ELK4: variants seen among roughly 807,000 people sequenced by gnomAD.
ELK4 encodes the protein ETS domain-containing protein Elk-4.
ELK4 carries 16 observed loss-of-function variants against 29.6 expected under a neutral mutation model. That is an observed-to-expected ratio of 0.54 (90% CI 0.37 to 0.82). The LOEUF (loss-of-function observed/expected upper bound fraction) is 0.82, where lower values mean the gene tolerates loss of function less well. Among genes scored for constraint, ELK4 ranks in the 40% least tolerant of loss-of-function variants. The probability of loss-of-function intolerance (pLI) is 0.00; values close to 1 mark genes in which losing one functional copy is unlikely to be tolerated. For missense variants in ELK4, 465 were observed against 507.1 expected (o/e 0.92, Z 0.80); for synonymous variants, 213 against 191.1 (o/e 1.11, Z -0.95).
chr1:205,608,424 T>C lies in ELK4; in HGVS notation c.*8122A>G. The stretch of plus-strand genomic sequence containing the variant: ...TAGCTACAATCATCCTAATCAATCT[T>C]AGAGCAATATCCCTTTGTTTCCCAA... On this transcript the variant is annotated 3_prime_UTR_variant, in exon 5 of 5. Coordinates refer to ENST00000357992, the MANE Select transcript of ELK4 (RefSeq NM_001973.4). 1 of 201,326 alleles carries C rather than the reference T, an allele frequency of 5.0e-6. No homozygotes were observed. The highest frequency in any genetic ancestry group is 7.7e-5 in the East Asian group (1 of 13,010). The allele number at this position is 201,326 out of a possible 1,614,324, so 12.5% of individuals were successfully genotyped here.
Position 205,612,251 on chromosome 1 carries a change from T to TCA in ELK4, c.*4293_*4294dup, listed in dbSNP as rs1670161843. ...CAAATCTCTAGGATTTCTCCATATA[T>TCA]CATAAGAGAGCATCATATATGTTTG... On this transcript the variant is annotated 3_prime_UTR_variant, in exon 5 of 5. Coordinates refer to ENST00000357992, the MANE Select transcript of ELK4 (RefSeq NM_001973.4). 4 of 205,058 alleles carry TCA rather than the reference T, an allele frequency of 2.0e-5. No homozygotes were observed. In the East Asian group the frequency reaches 3.0e-4, roughly 15 times the overall value. The allele number at this position is 205,058 out of a possible 1,614,324, so 12.7% of individuals were successfully genotyped here. A position where few individuals can be genotyped will look rare whatever the true frequency, so the allele number is the denominator to read the frequency against.
Position 205,623,721 on chromosome 1 carries a change from C to T in ELK4, c.162G>A (p.Met54Ile). The change falls in exon 2 of 5, where the codon ATG becomes ATA. Residue 54 changes from methionine to isoleucine, a missense_variant. Coordinates refer to ENST00000357992, the MANE Select transcript of ELK4 (RefSeq NM_001973.4). ...LWGIRKNKPN[M>I]NYDKLSRALR... ...GGGCTCGGCTGAGTTTGTCATAATT[C>T]ATGTTAGGCTTGTTCTTGCGAATCC... 6.2e-7 allele frequency: 1 copy of T among 1,614,074 alleles called. No homozygotes were observed. Among genetic ancestry groups the T allele is most frequent in the Non-Finnish European group, 8.5e-7 (1 of 1,180,014 alleles).
At position 205,611,512 on chromosome 1, in the gene ELK4, A is replaced by G. The variant is rs966497215; in HGVS notation, c.*5034T>C. The G allele has an allele frequency of 2.4e-5, 5 of 208,004 alleles. No individual in the cohort carries two copies. The highest frequency in any genetic ancestry group is 1.1e-4 in the African/African-American group (5 of 43,926). 12.9% of individuals were successfully genotyped at this position (208,004 alleles called of 1,614,324 possible). On this transcript the variant is annotated 3_prime_UTR_variant, in exon 5 of 5. Coordinates refer to ENST00000357992, the MANE Select transcript of ELK4 (RefSeq NM_001973.4). ...ATAACAAAACATTTGTTGATCCCAA[A>G]CCAAGAATATAATTCTATTTTCCAC...
chr1:205,628,871 T>TA (rs5780290), intron 1 of ELK4, among the ~76,000 whole-genome samples: 118,688 of 148,160 alleles, frequency 0.8, 47,667 homozygotes, highest in East Asian at 0.95. Context: ...TTGAGGACAG[T>TA]AAAAAAAAAA....
rs570497856 is a variant in ELK4 at position 205,621,422 on chromosome 1, T to C, written c.208-584A>G. Among the ~76,000 whole-genome samples the C allele has an allele frequency of 2.6e-5, 4 of 152,312 alleles. No individual in the cohort carries two copies. In the South Asian group the frequency reaches 8.3e-4, roughly 32 times the overall value. On this transcript the variant is annotated intron_variant, in intron 2 of 4. Transcript: ENST00000357992. ...GAAGGATTTTAATTGCTTACCACTC[T>C]CAACCAAATATCTGTGCAGATTAGA...
In ELK4 at chr1:205,626,692, G is replaced by A. The variant is rs149807609; in HGVS notation, c.-9-2801C>T. Among the ~76,000 whole-genome samples, 22 of 152,274 alleles carry A rather than the reference G, an allele frequency of 1.4e-4. 1 individual carries two copies. Among genetic ancestry groups the A allele is most frequent in the African/African-American group, 4.6e-4 (19 of 41,558 alleles). On this transcript the variant is annotated intron_variant, in intron 1 of 4. Transcript: ENST00000357992. ...GACAGACAGACAATAACAAATATTG[G>A]CAAGGATGCAGAGAAATTGAAGCCC...
intron 1 of ELK4, chr1:205,625,845 A>G (rs1424783373): frequency 1.6e-6 from 1 of 608,876 alleles, no homozygotes; most frequent in African/African-American, 1.9e-5. Context: ...CGCCCAGCTA[A>G]TTTTTGTATT....
Position 205,616,312 on chromosome 1 carries a change from G to C in ELK4, c.*234C>G, listed in dbSNP as rs1223210335. On this transcript the variant is annotated 3_prime_UTR_variant, in exon 5 of 5. Coordinates refer to ENST00000357992, the MANE Select transcript of ELK4 (RefSeq NM_001973.4). The stretch of plus-strand genomic sequence containing the variant: ...AGGAAGGAAGGAAAGAAAAAGAAAA[G>C]GAAAAGACAGAGGGAGGTGGAGTTT... 2.5e-6 allele frequency: 1 copy of C among 401,382 alleles called. No individual in the cohort carries two copies. Among genetic ancestry groups the C allele is most frequent in the East Asian group, 3.5e-5 (1 of 28,802 alleles). 24.9% of individuals were successfully genotyped at this position (401,382 alleles called of 1,614,324 possible). A position where few individuals can be genotyped will look rare whatever the true frequency, so the allele number is the denominator to read the frequency against.
intron 2 of ELK4, among the ~76,000 whole-genome samples, chr1:205,622,336 A>C (rs1455337530): frequency 6.6e-6 from 1 of 152,264 alleles, no homozygotes; most frequent in African/African-American, 2.4e-5. Flanking sequence ...TCCCTGGGTT[A>C]AACTAAAACT....
intron 3 of ELK4, chr1:205,619,289 T>C: frequency 1.9e-6 from 2 of 1,041,988 alleles, no homozygotes; most frequent in Non-Finnish European, 2.4e-6. Context: ...TAAATTTTTA[T>C]TTCAATAGTT....
rs111600957 is a variant in ELK4, at chr1:205,626,134, A to G, written c.-9-2243T>C. The G allele has an allele frequency of 1.4e-3, 1,041 of 735,210 alleles. 3 individuals are homozygous for G. In the African/African-American group the frequency reaches 0.016, roughly 11 times the overall value. 45.5% of individuals were successfully genotyped at this position (735,210 alleles called of 1,614,324 possible). A position where few individuals can be genotyped will look rare whatever the true frequency, so the allele number is the denominator to read the frequency against. ...TTTCTCTACGTTGCCTACAGTGACC[A>G]AAGTGTCTACAGTCTGTGATGCTGC... On this transcript the variant is annotated intron_variant, in intron 1 of 4. Coordinates refer to ENST00000357992, the MANE Select transcript of ELK4 (RefSeq NM_001973.4).
chr1:205,618,003 G>C (rs1373598533), intron 4 of ELK4, among the ~76,000 whole-genome samples: 2 of 58,338 alleles, frequency 3.4e-5, no homozygotes, highest in South Asian at 5.5e-4. Flanking sequence ...GAGAGAGCAA[G>C]AGAGAGAGAG....
At chr1:205,624,471 TTACA>T (rs1322927758) in intron 1 of ELK4, among the ~76,000 whole-genome samples, 2 of 152,200 alleles carry the variant, frequency 1.3e-5, no homozygotes, top group Non-Finnish European at 2.9e-5. Flanking sequence ...TAAATGTCAT[TTACA>T]TACAAATTGG....
rs1670180726 is a variant in ELK4 at position 205,613,207 on chromosome 1, A to T, written c.*3339T>A. 5.0e-6 allele frequency: 1 copy of T among 198,674 alleles called. No individual in the cohort carries two copies. Among genetic ancestry groups the T allele is most frequent in the Non-Finnish European group, 1.0e-5 (1 of 95,944 alleles). 12.3% of individuals were successfully genotyped at this position (198,674 alleles called of 1,614,324 possible). On this transcript the variant is annotated 3_prime_UTR_variant, in exon 5 of 5. Transcript: ENST00000357992. ...ATTACTAAGCCAGGTGTGGTGGTGCATGCCTGTAGCCCAGCTATGCAGGAG... is the reference window on the plus strand; with the variant it reads ...ATTACTAAGCCAGGTGTGGTGGTGCTTGCCTGTAGCCCAGCTATGCAGGAG...
At chr1:205,627,268 G>A (rs1670484321) in intron 1 of ELK4, among the ~76,000 whole-genome samples, 1 of 152,270 alleles carries the variant, frequency 6.6e-6, no homozygotes, top group Middle Eastern at 3.4e-3. Context: ...CCAGCACTTT[G>A]GGAGGCCGAG....
At position 205,629,043 on chromosome 1, in the gene ELK4, G is replaced by A. The variant is rs56396610; in HGVS notation, c.-10+2589C>T. Among the ~76,000 whole-genome samples, 1,454 of 151,918 alleles carry A rather than the reference G, an allele frequency of 9.6e-3. 28 individuals carry two copies. Among genetic ancestry groups the A allele is most frequent in the African/African-American group, 0.032 (1,325 of 41,436 alleles). On this transcript the variant is annotated intron_variant, in intron 1 of 4. Coordinates refer to ENST00000357992, the MANE Select transcript of ELK4 (RefSeq NM_001973.4). Reference sequence around the variant, plus strand: ...CAAACAATTAGCCAGGCGTGGTGGCGGGTGCCTGTAGTCCCAGCTACTCGG... The same window carrying A: ...CAAACAATTAGCCAGGCGTGGTGGCAGGTGCCTGTAGTCCCAGCTACTCGG...
intron 2 of ELK4, among the ~76,000 whole-genome samples, chr1:205,622,041 C>G (rs1339989398): frequency 6.6e-6 from 1 of 151,718 alleles, no homozygotes; most frequent in African/African-American, 2.4e-5. Flanking sequence ...TGGTGAAACC[C>G]CATCTCTACC....
chr1:205,630,942 T>C (rs1670570454), intron 1 of ELK4, among the ~76,000 whole-genome samples: 1 of 152,186 alleles, frequency 6.6e-6, no homozygotes, highest in African/African-American at 2.4e-5. Context: ...TTATTTAAAT[T>C]CCCCAAATTT....
In ELK4 at chr1:205,619,947, T is replaced by C. The variant is rs140752697; in HGVS notation, c.1080+19A>G. The stretch of plus-strand genomic sequence containing the variant: ...ATAAATGAAAGCAATGGTGACACCA[T>C]AAAGAGCGAGCAAGCTACCTGTGAA... On this transcript the variant is annotated intron_variant, in intron 3 of 4. Coordinates refer to ENST00000357992, the MANE Select transcript of ELK4 (RefSeq NM_001973.4). 2.0e-4 allele frequency: 321 copies of C among 1,614,026 alleles called. 1 individual carries two copies. The highest frequency in any genetic ancestry group is 2.5e-4 in the Non-Finnish European group (300 of 1,180,028).
Sources: gnomAD v4.1 joint callset for allele counts (sites outside exome capture counted in the v4.1 genomes callset) on GRCh38, gnomAD v4.1.1 for gene constraint, MANE v1.5 for transcripts, NCBI Gene and HGNC (gene_info 2026-07-23, HGNC 2026-07-21) for gene names.